Variants in DOK6 observed in about 807,000 individuals in gnomAD.
The protein encoded by DOK6 is docking protein 6.
A neutral mutation model predicts 44.0 loss-of-function variants in DOK6; 22 were observed. The ratio of observed to expected loss-of-function variants is 0.50; its 90% CI spans 0.36 to 0.71. DOK6 has a LOEUF of 0.71. Among genes scored for constraint, DOK6 ranks in the 30% least tolerant of loss-of-function variants. The pLI is 0.00. For missense variants in DOK6, 340 were observed against 416.4 expected, an observed-to-expected ratio of 0.82 and a Z score of 1.60; for synonymous variants, 166 against 145.5, an observed-to-expected ratio of 1.14 and a Z score of -1.01.
At chr18:69,455,040 C>A (rs1171848151) in intron 1 of DOK6, among the ~76,000 whole-genome samples, 1 of 144,902 alleles carries the variant, frequency 6.9e-6, no homozygotes. Context: ...GCACATGTAC[C>A]CTAAAACTTA....
rs542042237 is a variant in DOK6, at chr18:69,583,851, A to G, written c.175-15533A>G. Among the ~76,000 whole-genome samples, 1,346 of 152,234 alleles carry G rather than the reference A, an allele frequency of 8.8e-3. 10 individuals carry two copies. Among genetic ancestry groups the G allele is most frequent in the Non-Finnish European group, 0.015 (996 of 68,002 alleles). On this transcript the variant is annotated intron_variant, in intron 2 of 7. Transcript: ENST00000382713. ...GGGCTGGGCGAGGTGGCTCACGCCT[A>G]TAATCCCAGCACTTTGGGAGACCAA... is the stretch of plus-strand genomic sequence containing the variant.
intron 7 of DOK6, among the ~76,000 whole-genome samples, chr18:69,775,920 C>A (rs1568123062): frequency 6.6e-6 from 1 of 151,800 alleles, no homozygotes. Flanking sequence ...CAGCAAGATG[C>A]AATATATCTG....
At chr18:69,618,014 A>T (rs762369766) in intron 3 of DOK6, among the ~76,000 whole-genome samples, 38 of 152,232 alleles carry the variant, frequency 2.5e-4, no homozygotes, top group Non-Finnish European at 4.3e-4. Flanking sequence ...ATTTGGATAC[A>T]GAAACACAGA....
intron 1 of DOK6, among the ~76,000 whole-genome samples, chr18:69,422,526 G>A (rs1256152316): frequency 1.3e-5 from 2 of 152,108 alleles, no homozygotes; most frequent in Non-Finnish European, 2.9e-5. Context: ...CACTGTTTTC[G>A]AAGTTATTCA....
chr18:69,645,914 G>A (rs1343970050), intron 3 of DOK6, among the ~76,000 whole-genome samples: 1 of 152,066 alleles, frequency 6.6e-6, no homozygotes, highest in East Asian at 1.9e-4. Flanking sequence ...CGATTCTTCT[G>A]GAATGTTCCA....
chr18:69,634,255 C>T (rs1984753719), intron 3 of DOK6, among the ~76,000 whole-genome samples: 2 of 152,134 alleles, frequency 1.3e-5, no homozygotes, highest in South Asian at 4.1e-4. Context: ...AATACCTCTT[C>T]ACTTACATAT....
intron 1 of DOK6, among the ~76,000 whole-genome samples, chr18:69,485,980 T>C (rs554055040): frequency 6.6e-6 from 1 of 151,854 alleles, no homozygotes; most frequent in Non-Finnish European, 1.5e-5. Flanking sequence ...GAAATATACC[T>C]GATCTTCCTA....
intron 3 of DOK6, among the ~76,000 whole-genome samples, chr18:69,632,506 G>A (rs1199659028): frequency 1.3e-5 from 2 of 152,102 alleles, no homozygotes; most frequent in African/African-American, 4.8e-5. Context: ...CGGTGTATCA[G>A]AATACTGTAT....
chr18:69,430,358 T>C (rs1169789542), intron 1 of DOK6, among the ~76,000 whole-genome samples: 1 of 152,222 alleles, frequency 6.6e-6, no homozygotes, highest in Non-Finnish European at 1.5e-5. Flanking sequence ...GGTTATTTCT[T>C]TTTACTTTCG....
intron 1 of DOK6, among the ~76,000 whole-genome samples, chr18:69,538,458 C>T (rs904571793): frequency 1.3e-5 from 2 of 152,056 alleles, no homozygotes; most frequent in Non-Finnish European, 2.9e-5. Context: ...ACACAACTCC[C>T]TGCAGCCTTG....
intron 7 of DOK6, among the ~76,000 whole-genome samples, chr18:69,814,711 TGCAAGGGGAAAGTGTCAC>T (rs2145118945): frequency 6.6e-6 from 1 of 151,382 alleles, no homozygotes; most frequent in African/African-American, 2.4e-5. Context: ...GGAGAGAGAG[TGCAAGGGGAAAGTGTCAC>T]GCACTTTTAA....
chr18:69,556,868 C>G (rs932481085), intron 1 of DOK6, among the ~76,000 whole-genome samples: 1 of 152,210 alleles, frequency 6.6e-6, no homozygotes, highest in African/African-American at 2.4e-5. Context: ...TGTGCACTGA[C>G]TACTTTTTTA....
At chr18:69,420,197 T>TA (rs748123795) in intron 1 of DOK6, among the ~76,000 whole-genome samples, 13 of 151,588 alleles carry the variant, frequency 8.6e-5, no homozygotes, top group East Asian at 1.9e-4. Flanking sequence ...CTATCTAAAT[T>TA]AAAAAAAAAT....
At chr18:69,757,700 A>G in intron 6 of DOK6, 56 bp from the exon 7 acceptor site, 1 of 1,398,172 alleles carries the variant, frequency 7.2e-7, no homozygotes, top group South Asian at 1.2e-5. Context: ...TTAGAAGAGC[A>G]GATTTCAGTT....
chr18:69,639,425 G>A (rs1208065058), intron 3 of DOK6, among the ~76,000 whole-genome samples: 1 of 152,212 alleles, frequency 6.6e-6, no homozygotes, highest in Non-Finnish European at 1.5e-5. Flanking sequence ...CGATGAGGAA[G>A]GGAGGGCTCC....
chr18:69,499,656 A>G (rs529226884), intron 1 of DOK6, among the ~76,000 whole-genome samples: 1 of 152,290 alleles, frequency 6.6e-6, no homozygotes, highest in African/African-American at 2.4e-5. Flanking sequence ...TCTGCAGCCC[A>G]GACTTCGGCT....
intron 7 of DOK6, among the ~76,000 whole-genome samples, chr18:69,772,027 A>AT (rs1979901470): frequency 6.8e-6 from 1 of 147,240 alleles, no homozygotes; most frequent in Non-Finnish European, 1.5e-5. Context: ...AAAAAAAAAA[A>AT]TGGCTTTTAG....
chr18:69,625,863 A>T (rs1025254379), intron 3 of DOK6, among the ~76,000 whole-genome samples: 1 of 152,212 alleles, frequency 6.6e-6, no homozygotes, highest in Non-Finnish European at 1.5e-5. Context: ...CATAAATATT[A>T]TCTCAGTGAA....
intron 1 of DOK6, among the ~76,000 whole-genome samples, chr18:69,550,917 G>A (rs1280993111): frequency 8.6e-5 from 13 of 151,604 alleles, no homozygotes. Flanking sequence ...CTGAGTCGCT[G>A]GGATTATGGG....
Sources: gnomAD v4.1 joint callset for allele counts (sites outside exome capture counted in the v4.1 genomes callset) on GRCh38, gnomAD v4.1.1 for gene constraint, MANE v1.5 for transcripts, NCBI Gene and HGNC (gene_info 2026-07-23, HGNC 2026-07-21) for gene names.